Variants in CFAP54 observed in about 807,000 individuals in gnomAD.
CFAP54 encodes cilia and flagella associated protein 54.
CFAP54 carries 290 observed loss-of-function variants against 370.4 expected under a neutral mutation model. The observed-to-expected ratio is 0.78, with a 90% CI of 0.71 to 0.86. CFAP54 has a LOEUF of 0.86. CFAP54 is among the 40% of genes least tolerant of loss of function. The pLI is 0.00. For missense variants in CFAP54, 3,399 were observed against 3,528.7 expected (o/e 0.96, Z 0.93); for synonymous variants, 1,206 against 1,236.5 (o/e 0.98, Z 0.52).
chr12:96,580,474 T>G, intron 20 of CFAP54, 123 bp from the exon 21 acceptor site: 1 of 544,934 alleles, frequency 1.8e-6, no homozygotes, highest in East Asian at 3.2e-5. Flanking sequence ...CTAAGTATAT[T>G]TGTAAACTTG....
intron 44 of CFAP54, among the ~76,000 whole-genome samples, chr12:96,693,435 T>A (rs924088360): frequency 6.6e-6 from 1 of 152,190 alleles, no homozygotes; most frequent in African/African-American, 2.4e-5. Context: ...GATAATTGAT[T>A]AGATTTTAAC....
At chr12:96,638,239 G>A (rs868376279) in intron 32 of CFAP54, among the ~76,000 whole-genome samples, 6 of 84,590 alleles carry the variant, frequency 7.1e-5, no homozygotes, top group Non-Finnish European at 1.0e-4. Flanking sequence ...GTGTGTGTGT[G>A]TGTATATATA....
At chr12:96,585,130 C>G (rs7975505) in intron 22 of CFAP54, among the ~76,000 whole-genome samples, 104,007 of 151,418 alleles carry the variant, frequency 0.69, 36,025 homozygotes, top group Admixed American at 0.73. Flanking sequence ...TGACTTGTGA[C>G]TTGTTTTTAT....
intron 14 of CFAP54, among the ~76,000 whole-genome samples, chr12:96,547,572 A>AT (rs1565892573): frequency 6.6e-6 from 1 of 152,180 alleles, no homozygotes; most frequent in African/African-American, 2.4e-5. Context: ...ACGTTACAAG[A>AT]TTTTTTTAAA....
intron 40 of CFAP54, among the ~76,000 whole-genome samples, chr12:96,681,626 C>T (rs1214292838): frequency 2.6e-5 from 4 of 151,564 alleles, no homozygotes; most frequent in African/African-American, 7.3e-5. Context: ...AGTGCAGTGG[C>T]GTGATCTTGG....
chr12:96,811,544 T>A (rs1486206355), intron 63 of CFAP54, among the ~76,000 whole-genome samples, 192 bp from the exon 64 acceptor site: 1 of 152,222 alleles, frequency 6.6e-6, no homozygotes, highest in Non-Finnish European at 1.5e-5. Flanking sequence ...AGTATTTATT[T>A]TCATCCTACA....
chr12:96,604,082 C>G (rs994950307), intron 26 of CFAP54, among the ~76,000 whole-genome samples: 2 of 152,212 alleles, frequency 1.3e-5, no homozygotes, highest in Non-Finnish European at 1.5e-5. Flanking sequence ...TTCTCCCCAT[C>G]TTTGTGGTTT....
chr12:96,802,616 G>A (rs1246420064), intron 63 of CFAP54, among the ~76,000 whole-genome samples: 3 of 152,066 alleles, frequency 2.0e-5, no homozygotes, highest in Admixed American at 6.6e-5. Context: ...ACATCTGGCC[G>A]ACTACTCCCA....
intron 42 of CFAP54, 23 bp downstream of exon 42, chr12:96,685,261 C>CTG (rs201304051): frequency 4.4e-6 from 7 of 1,608,004 alleles, no homozygotes; most frequent in Non-Finnish European, 6.0e-6. Context: ...ATGGAAGGAT[C>CTG]CCCGTACTAG....
At chr12:96,519,241 G>A (rs936180342) in intron 6 of CFAP54, among the ~76,000 whole-genome samples, 170 bp downstream of exon 6, 1 of 152,022 alleles carries the variant, frequency 6.6e-6, no homozygotes, top group Non-Finnish European at 1.5e-5. Flanking sequence ...TGGGATTACA[G>A]GCATGCGCCA....
At chr12:96,726,464 G>T (rs1252266036) in intron 50 of CFAP54, among the ~76,000 whole-genome samples, 2 of 152,226 alleles carry the variant, frequency 1.3e-5, no homozygotes, top group Admixed American at 6.5e-5. Context: ...TATTTGCGTA[G>T]AGGTGTTTAT....
intron 22 of CFAP54, among the ~76,000 whole-genome samples, chr12:96,581,989 C>T (rs1158532601): frequency 6.6e-6 from 1 of 152,114 alleles, no homozygotes; most frequent in Non-Finnish European, 1.5e-5. Flanking sequence ...TCCATGATTA[C>T]TTTCTTAGGG....
In CFAP54 at chr12:96,742,476, C is replaced by G; in HGVS notation, c.7109C>G (p.Pro2370Arg). 6.2e-7 allele frequency: 1 copy of G among 1,602,128 alleles called. No homozygotes were observed. The highest frequency in any genetic ancestry group is 8.5e-7 in the Non-Finnish European group (1 of 1,170,052). The stretch of plus-strand genomic sequence containing the variant: ...AAAGATGACAGTGAGTTTTTAGATC[C>G]TATTTCCCTAAATGCCCGAGAATAT... ...ENKDDSEFLD[P>R]ISLNAREYFN... Residue 2370 changes from proline to arginine, a missense_variant, in exon 52 of 68, where the codon CCT becomes CGT. By Grantham distance (103) the Pro-to-Arg change is moderately radical. This residue lies in a region of CFAP54 where 2,796 missense variants were observed against 2,869.7 expected (regional missense o/e 0.97). Coordinates refer to ENST00000524981, the MANE Select transcript of CFAP54 (RefSeq NM_001306084.2).
chr12:96,680,643 T>C (rs1284058431), intron 40 of CFAP54, among the ~76,000 whole-genome samples: 6 of 152,020 alleles, frequency 3.9e-5, no homozygotes, highest in Non-Finnish European at 8.8e-5. Context: ...TATTTACATA[T>C]TTATTTGTTT....
chr12:96,803,680 A>G (rs75710320), intron 63 of CFAP54, among the ~76,000 whole-genome samples: 1,904 of 152,276 alleles, frequency 0.013, 43 homozygotes, highest in African/African-American at 0.043. Context: ...CAGTCACCCA[A>G]AATCAAAGCC....
At chr12:96,664,787 A>T (rs796379973) in intron 39 of CFAP54, among the ~76,000 whole-genome samples, 1 of 15,058 alleles carries the variant, frequency 6.6e-5, no homozygotes, top group African/African-American at 2.6e-4. Context: ...CTATATATAT[A>T]TATATATATA....
intron 26 of CFAP54, 116 bp from the exon 27 acceptor site, chr12:96,621,474 G>T (rs1956487569): frequency 4.7e-6 from 3 of 642,454 alleles, no homozygotes; most frequent in East Asian, 6.7e-5. Flanking sequence ...AAAATAAAAG[G>T]GGGATTCTTA....
chr12:96,517,127 G>A (rs950331253), intron 5 of CFAP54, among the ~76,000 whole-genome samples: 2 of 150,844 alleles, frequency 1.3e-5, no homozygotes, highest in African/African-American at 4.9e-5. Flanking sequence ...GTCATATTTT[G>A]AAAATGGCTT....
At chr12:96,627,050 A>C in intron 30 of CFAP54, 111 bp downstream of exon 30, 1 of 659,346 alleles carries the variant, frequency 1.5e-6, no homozygotes, top group Non-Finnish European at 2.2e-6. Flanking sequence ...ATATACAGTT[A>C]AAACCACTGC....
Sources: allele counts gnomAD v4.1 joint callset (sites outside exome capture counted in the v4.1 genomes callset), GRCh38; gene constraint gnomAD v4.1.1; regional missense constraint gnomAD v4.1.1; transcripts MANE v1.5; gene names NCBI Gene and HGNC (gene_info 2026-07-23, HGNC 2026-07-21).